LPP: variants seen among roughly 807,000 people sequenced by gnomAD.
The protein encoded by LPP is lipoma-preferred partner.
A neutral mutation model predicts 60.4 loss-of-function variants in LPP; 38 were observed. The observed-to-expected ratio is 0.63, with a 90% CI of 0.49 to 0.83. LPP has a LOEUF of 0.83. LPP is among the 40% of genes least tolerant of loss of function. The pLI is 0.00. For synonymous variants in LPP, 328 were observed against 290.8 expected (o/e 1.13, Z -1.30); for missense variants, 902 against 783.6 (o/e 1.15, Z -1.80).
intron 4 of LPP, among the ~76,000 whole-genome samples, chr3:188,417,866 A>G (rs544466578): frequency 2.8e-4 from 43 of 152,316 alleles, no homozygotes; most frequent in Middle Eastern, 6.8e-3. Flanking sequence ...TTACCTAGTC[A>G]AACACACACG....
Position 188,609,691 on chromosome 3 carries a change from A to T in LPP, c.960A>T (p.Gln320His). ...ACTCTGACCCTACCTATGGTCAACA[A>T]GGTCACCCAAATACCTGGAAACGGG... ...RNDSDPTYGQ[Q>H]GHPNTWKREP... The change falls in exon 7 of 12, where the codon CAA (glutamine) becomes CAT (histidine). Residue 320 changes from glutamine to histidine, a missense_variant. Coordinates refer to ENST00000617246, the MANE Select transcript of LPP (RefSeq NM_001375462.1). The surrounding 1 kb of genome is among the most constrained non-coding windows in gnomAD (Gnocchi z 6.9). The T allele has an allele frequency of 6.2e-7, 1 of 1,614,106 alleles. No individual in the cohort carries two copies. The highest frequency in any genetic ancestry group is 1.1e-5 in the South Asian group (1 of 91,092).
chr3:188,732,608 C>G (rs892923570), intron 8 of LPP, among the ~76,000 whole-genome samples: 1 of 149,626 alleles, frequency 6.7e-6, no homozygotes, highest in Non-Finnish European at 1.5e-5. Context: ...ATCCCAGCTA[C>G]TTGGGAGGCT....
At position 188,888,316 on chromosome 3, in the gene LPP, C is replaced by T. The variant is rs527583152; in HGVS notation, c.*13837C>T. On this transcript the variant is annotated 3_prime_UTR_variant, in exon 12 of 12. Coordinates refer to ENST00000617246, the MANE Select transcript of LPP (RefSeq NM_001375462.1). ...ATGAAGTAGATGTGGCGTGAAGATACAGAGCCTGAGGATAGTAATTTTCCC... is the reference window on the plus strand; with the variant it reads ...ATGAAGTAGATGTGGCGTGAAGATATAGAGCCTGAGGATAGTAATTTTCCC... The T allele has an allele frequency of 4.4e-6, 1 of 227,428 alleles. No individual in the cohort carries two copies. Among genetic ancestry groups the T allele is most frequent in the South Asian group, 1.8e-4 (1 of 5,476 alleles). The allele number at this position is 227,428 out of a possible 1,614,324, so 14.1% of individuals were successfully genotyped here.
chr3:188,648,743 ACT>A (rs1851553175), intron 7 of LPP, among the ~76,000 whole-genome samples: 1 of 152,034 alleles, frequency 6.6e-6, no homozygotes, highest in Non-Finnish European at 1.5e-5. Context: ...TTTAATGATG[ACT>A]CTGGTGCTCA....
At chr3:188,162,700 A>G (rs938275233) in intron 1 of LPP, among the ~76,000 whole-genome samples, 59 of 152,328 alleles carry the variant, frequency 3.9e-4, no homozygotes, top group Admixed American at 2.2e-3. Flanking sequence ...GTGATCTATC[A>G]CAATGCATTT....
chr3:188,489,307 A>T (rs556605703), intron 5 of LPP, among the ~76,000 whole-genome samples: 2 of 152,306 alleles, frequency 1.3e-5, no homozygotes, highest in Non-Finnish European at 2.9e-5. Flanking sequence ...TCAGAAGCAT[A>T]ATCTAAGTCC....
chr3:188,245,305 G>T (rs979374411), intron 2 of LPP, among the ~76,000 whole-genome samples: 6 of 152,108 alleles, frequency 3.9e-5, no homozygotes, highest in Non-Finnish European at 5.9e-5. Context: ...TAGAGACAGG[G>T]TTTCATCATG....
In LPP at chr3:188,874,702, A is replaced by G; in HGVS notation, c.*223A>G. On this transcript the variant is annotated 3_prime_UTR_variant, in exon 12 of 12. Transcript: ENST00000617246. Reference sequence around the variant, plus strand: ...TCTTGATGGGCCTTTGTTCCCAAGGACTTCCACATTTTTGCACAGATTATG... The same window carrying G: ...TCTTGATGGGCCTTTGTTCCCAAGGGCTTCCACATTTTTGCACAGATTATG... The G allele has an allele frequency of 6.2e-6, 3 of 485,828 alleles. No homozygotes were observed. Among genetic ancestry groups the G allele is most frequent in the South Asian group, 7.2e-5 (2 of 27,608 alleles). 30.1% of individuals were successfully genotyped at this position (485,828 alleles called of 1,614,324 possible).
chr3:188,590,656 T>C (rs1419720051), intron 6 of LPP, among the ~76,000 whole-genome samples: 3 of 152,166 alleles, frequency 2.0e-5, no homozygotes, highest in Non-Finnish European at 2.9e-5. Context: ...AGCAAGAAGA[T>C]AAATGGTTAA....
intron 5 of LPP, among the ~76,000 whole-genome samples, chr3:188,505,465 A>G (rs1813190648): frequency 6.6e-6 from 1 of 152,112 alleles, no homozygotes; most frequent in African/African-American, 2.4e-5. Context: ...ATCTTTCTTT[A>G]TCTAATTATT....
chr3:188,203,418 A>AT (rs1230969575), intron 1 of LPP, among the ~76,000 whole-genome samples: 4 of 52,670 alleles, frequency 7.6e-5, no homozygotes, highest in East Asian at 1.9e-3. Flanking sequence ...AAATATATAT[A>AT]TAATATAAAT....
At chr3:188,211,767 C>T (rs1734759049) in intron 1 of LPP, among the ~76,000 whole-genome samples, 1 of 152,128 alleles carries the variant, frequency 6.6e-6, no homozygotes, top group Non-Finnish European at 1.5e-5. Context: ...ATTACATTCT[C>T]AGGAGGACTC....
intron 8 of LPP, among the ~76,000 whole-genome samples, chr3:188,748,568 G>C (rs1316737371): frequency 6.6e-6 from 1 of 152,108 alleles, no homozygotes; most frequent in Non-Finnish European, 1.5e-5. Flanking sequence ...TGGATCACAA[G>C]GTCAGGAGTT....
chr3:188,213,757 G>A (rs1241280410), intron 1 of LPP, among the ~76,000 whole-genome samples: 2 of 151,850 alleles, frequency 1.3e-5, no homozygotes, highest in Non-Finnish European at 2.9e-5. Context: ...TCTCTTTCAC[G>A]AAAGGGGATG....
chr3:188,851,476 T>C (rs1206167009), intron 9 of LPP, among the ~76,000 whole-genome samples: 1 of 152,234 alleles, frequency 6.6e-6, no homozygotes, highest in Non-Finnish European at 1.5e-5. Flanking sequence ...CATTTTCCCC[T>C]GTATGGAGGA....
At chr3:188,287,789 G>A (rs1744468017) in intron 2 of LPP, among the ~76,000 whole-genome samples, 1 of 152,168 alleles carries the variant, frequency 6.6e-6, no homozygotes. Flanking sequence ...ATGGCAGGCT[G>A]TATTAGGAGA....
intron 4 of LPP, among the ~76,000 whole-genome samples, chr3:188,460,960 A>C (rs1798836166): frequency 6.6e-6 from 1 of 152,160 alleles, no homozygotes; most frequent in Non-Finnish European, 1.5e-5. Context: ...GAACTAGGCT[A>C]TGTCTTGGGA....
intron 5 of LPP, among the ~76,000 whole-genome samples, chr3:188,488,714 G>A (rs1807374290): frequency 6.6e-6 from 1 of 151,974 alleles, no homozygotes; most frequent in Non-Finnish European, 1.5e-5. Context: ...TTGGCTCACT[G>A]CAACCTCCAC....
At chr3:188,360,537 T>G (rs1199243543) in intron 3 of LPP, among the ~76,000 whole-genome samples, 1 of 152,084 alleles carries the variant, frequency 6.6e-6, no homozygotes, top group Non-Finnish European at 1.5e-5. Flanking sequence ...TTTTTCTTTT[T>G]GTGGAGATGG....
Sources: gnomAD v4.1 joint callset for allele counts (sites outside exome capture counted in the v4.1 genomes callset) on GRCh38, gnomAD v4.1.1 for gene constraint, Gnocchi (gnomAD v3.1) non-coding constraint, MANE v1.5 for transcripts, NCBI Gene and HGNC (gene_info 2026-07-23, HGNC 2026-07-21) for gene names.